Variants in IGF1R observed in about 807,000 individuals in gnomAD.
IGF1R encodes insulin like growth factor 1 receptor, also known as insulin-like growth factor 1 receptor.
In IGF1R, 44 loss-of-function variants were observed where a neutral mutation model predicts 144.6. The observed-to-expected ratio is 0.30, with a 90% CI of 0.24 to 0.39. IGF1R has a LOEUF of 0.39. Among genes scored for constraint, IGF1R ranks in the 10% least tolerant of loss-of-function variants. The pLI is 1.00. For missense variants in IGF1R, 1,355 were observed against 1,833.7 expected, an observed-to-expected ratio of 0.74 and a Z score of 4.77; for synonymous variants, 795 against 722.8, an observed-to-expected ratio of 1.10 and a Z score of -1.60.
chr15:98,875,490 TCA>T (rs2141616113), intron 2 of IGF1R, among the ~76,000 whole-genome samples: 1 of 152,222 alleles, frequency 6.6e-6, no homozygotes, highest in Non-Finnish European at 1.5e-5. Flanking sequence ...CAAGTAAACT[TCA>T]CACATTCTCG....
intron 2 of IGF1R, among the ~76,000 whole-genome samples, chr15:98,803,781 C>T (rs910537629): frequency 2.0e-5 from 3 of 152,164 alleles, no homozygotes; most frequent in African/African-American, 7.2e-5. Context: ...ACTGGGATTA[C>T]AGGCATGAGC....
intron 2 of IGF1R, among the ~76,000 whole-genome samples, chr15:98,813,868 A>C (rs888780443): frequency 6.6e-6 from 1 of 152,258 alleles, no homozygotes; most frequent in Non-Finnish European, 1.5e-5. Context: ...AACCCCTTCC[A>C]TTAATACATC....
chr15:98,809,182 ACT>A (rs2056532140), intron 2 of IGF1R, among the ~76,000 whole-genome samples: 1 of 152,046 alleles, frequency 6.6e-6, no homozygotes. Flanking sequence ...CGTGACCCTG[ACT>A]CTTTCCTGCA....
chr15:98,950,183 A>G (rs1473524859), intron 20 of IGF1R, among the ~76,000 whole-genome samples: 3 of 152,194 alleles, frequency 2.0e-5, no homozygotes, highest in Non-Finnish European at 2.9e-5. Flanking sequence ...CCCAGCTCCT[A>G]TCTCTCACCC....
chr15:98,876,303 C>T (rs973053641), intron 2 of IGF1R, among the ~76,000 whole-genome samples: 1 of 140,866 alleles, frequency 7.1e-6, no homozygotes, highest in African/African-American at 2.6e-5. Flanking sequence ...AAAAAGAAAA[C>T]TATTAAGAGT....
chr15:98,710,398 A>C (rs2053965082), intron 2 of IGF1R, among the ~76,000 whole-genome samples: 1 of 152,130 alleles, frequency 6.6e-6, no homozygotes, highest in Admixed American at 6.5e-5. Context: ...GTTTGCGTAG[A>C]TTCCATTTAG....
chr15:98,737,009 G>A (rs1381540590), intron 2 of IGF1R, among the ~76,000 whole-genome samples: 1 of 152,122 alleles, frequency 6.6e-6, no homozygotes, highest in East Asian at 1.9e-4. Flanking sequence ...AAGACTCGTA[G>A]AACTAAGATG....
chr15:98,875,167 T>G lies in IGF1R; in HGVS notation c.641-16158T>G, dbSNP rs143729632. Reference sequence around the variant, plus strand: ...GGGATTTCGGGAGACAGCAGTTGTTTTGACATGAATCTCAAAGTTCCTACA... The same window carrying G: ...GGGATTTCGGGAGACAGCAGTTGTTGTGACATGAATCTCAAAGTTCCTACA... On this transcript the variant is annotated intron_variant, in intron 2 of 20. Transcript: ENST00000650285. Among the ~76,000 whole-genome samples the G allele has an allele frequency of 1.0e-3, 155 of 152,248 alleles. 1 individual carries two copies. The highest frequency in any genetic ancestry group is 3.6e-3 in the African/African-American group (151 of 41,542).
At chr15:98,661,611 C>T (rs1004180485) in intron 1 of IGF1R, among the ~76,000 whole-genome samples, 4 of 152,282 alleles carry the variant, frequency 2.6e-5, no homozygotes, top group East Asian at 1.9e-4. Context: ...CTTCTCCGTG[C>T]GGTTTGCATA....
chr15:98,698,290 G>A (rs553724444), intron 1 of IGF1R, among the ~76,000 whole-genome samples: 4 of 152,172 alleles, frequency 2.6e-5, no homozygotes, highest in Admixed American at 2.6e-4. Context: ...GCCTGCCTCG[G>A]CCTCCCAAAG....
chr15:98,680,663 C>T (rs1036287038), intron 1 of IGF1R, among the ~76,000 whole-genome samples: 1 of 152,040 alleles, frequency 6.6e-6, no homozygotes, highest in African/African-American at 2.4e-5. Context: ...CTCCTGGGCT[C>T]AACTGATTCT....
chr15:98,705,305 T>G (rs547718436), intron 1 of IGF1R, among the ~76,000 whole-genome samples: 1 of 152,130 alleles, frequency 6.6e-6, no homozygotes, highest in Non-Finnish European at 1.5e-5. Flanking sequence ...TAGGAGCTAT[T>G]CGGTGTCATA....
chr15:98,910,493 G>C (rs1358562003), intron 6 of IGF1R, among the ~76,000 whole-genome samples: 1 of 152,200 alleles, frequency 6.6e-6, no homozygotes, highest in African/African-American at 2.4e-5. Flanking sequence ...TTCACCTCTT[G>C]AGTGTGTAGT....
chr15:98,796,728 C>T (rs563268014), intron 2 of IGF1R, among the ~76,000 whole-genome samples: 1 of 152,306 alleles, frequency 6.6e-6, no homozygotes, highest in Non-Finnish European at 1.5e-5. Context: ...TATTCTTATA[C>T]ATACACACAG....
intron 2 of IGF1R, among the ~76,000 whole-genome samples, chr15:98,729,034 CA>C (rs2054433597): frequency 6.6e-6 from 1 of 152,198 alleles, no homozygotes; most frequent in Non-Finnish European, 1.5e-5. Flanking sequence ...CACAATGCCT[CA>C]ATGAAATATT....
At chr15:98,897,579 T>G (rs975417508) in intron 4 of IGF1R, 3 of 153,038 alleles carry the variant, frequency 2.0e-5, no homozygotes, top group African/African-American at 4.8e-5. Context: ...GTGTGTTTGT[T>G]TTTTGGTTTT....
chr15:98,754,378 A>G (rs2055096058), intron 2 of IGF1R, among the ~76,000 whole-genome samples: 1 of 152,206 alleles, frequency 6.6e-6, no homozygotes, highest in Non-Finnish European at 1.5e-5. Flanking sequence ...AGCGATCTCC[A>G]GGAAATCCCC....
At position 98,883,822 on chromosome 15, in the gene IGF1R, C is replaced by T. The variant is rs530723090; in HGVS notation, c.641-7503C>T. 1.0e-3 allele frequency among the ~76,000 whole-genome samples: 154 copies of T among 152,272 alleles called. 1 individual carries two copies. The highest frequency in any genetic ancestry group is 1.8e-3 in the Admixed American group (27 of 15,298). ...CTGCCTCCCTGGAAAAGCAGCAGGG[C>T]ACACAGGCTTCCTAGGCAGCCCCTG... On this transcript the variant is annotated intron_variant, in intron 2 of 20. Coordinates refer to ENST00000650285, the MANE Select transcript of IGF1R (RefSeq NM_000875.5).
intron 2 of IGF1R, among the ~76,000 whole-genome samples, chr15:98,801,501 C>T (rs2056363297): frequency 6.6e-6 from 1 of 152,226 alleles, no homozygotes; most frequent in South Asian, 2.1e-4. Flanking sequence ...GGCCTCATTC[C>T]TCACAAAGGG....
Sources: gnomAD v4.1 joint callset for allele counts (sites outside exome capture counted in the v4.1 genomes callset) on GRCh38, gnomAD v4.1.1 for gene constraint, MANE v1.5 for transcripts, NCBI Gene and HGNC (gene_info 2026-07-23, HGNC 2026-07-21) for gene names.